CLN3: variants seen among roughly 807,000 people sequenced by gnomAD.
CLN3 encodes CLN3 lysosomal/endosomal transmembrane protein, battenin.
CLN3 carries 49 observed loss-of-function variants against 60.7 expected under a neutral mutation model. The observed-to-expected ratio is 0.81, with a 90% confidence interval of 0.64 to 1.02. The LOEUF (loss-of-function observed/expected upper bound fraction) is 1.02. CLN3 is among the 50% of genes least tolerant of loss of function. The pLI, the probability that CLN3 is intolerant of heterozygous loss-of-function variation, is 0.00. For synonymous variants in CLN3, 256 were observed against 245.8 expected (o/e 1.04, Z -0.39); for missense variants, 516 against 557.4 (o/e 0.93, Z 0.75).
intron 2 of CLN3, 64 bp from the exon 3 acceptor site, chr16:28,491,624 G>A: frequency 2.5e-6 from 4 of 1,613,586 alleles, no homozygotes; most frequent in Non-Finnish European, 3.4e-6. Flanking sequence ...CTCCTTGCGT[G>A]TCCTCCCGGG....
At chr16:28,481,428 ACACACACACACACACACACACACACG>A (rs933567219) in intron 14 of CLN3, among the ~76,000 whole-genome samples, 13 of 130,124 alleles carry the variant, frequency 1.0e-4, no homozygotes, top group African/African-American at 3.7e-4. Flanking sequence ...ACACACACAC[ACACACACACACACACACACACACACG>A]CACACACACA....
intron 5 of CLN3, chr16:28,488,387 C>G (rs941032621): frequency 2.0e-6 from 1 of 505,640 alleles, no homozygotes; most frequent in Non-Finnish European, 3.5e-6. Context: ...ACTGCCCAGG[C>G]TGGTCTCAAA....
intron 14 of CLN3, 149 bp from the exon 15 acceptor site, chr16:28,478,026 G>A (rs914972535): frequency 1.4e-5 from 12 of 853,536 alleles, no homozygotes; most frequent in South Asian, 6.6e-5. Context: ...AGCCCGGTGT[G>A]GTGGCTCACA....
Position 28,482,681 on chromosome 16 carries a change from GA to G in CLN3, c.791-10del. The G allele has an allele frequency of 6.2e-7, 1 of 1,614,174 alleles. No individual in the cohort carries two copies. Among genetic ancestry groups the G allele is most frequent in the Non-Finnish European group, 8.5e-7 (1 of 1,180,022 alleles). On this transcript the variant is annotated splice_polypyrimidine_tract_variant and intron_variant, in intron 10 of 15. Transcript: ENST00000636147. The stretch of plus-strand genomic sequence containing the variant: ...GAGGCTGGAGCTGGAGCCTGCAGGG[GA>G]ACAGAGAGAGAAGGGCAGATGAAGT...
In CLN3 at chr16:28,487,466, G is replaced by T. The variant is rs1310831618; in HGVS notation, c.450C>A (p.Thr150=). 1 of 1,613,618 alleles carries T rather than the reference G, an allele frequency of 6.2e-7. No individual in the cohort carries two copies. The highest frequency in any genetic ancestry group is 8.5e-7 in the Non-Finnish European group (1 of 1,179,608). ...GAACCACACACTCACCACACAGGCT[G>T]GTCCCCACAGAATGAGAAAAGGCAA... ...VLVAFSHSVG[T]SLCGVVFASI... The change falls in exon 7 of 16, where the codon ACC becomes ACA. Residue 150 remains threonine, a synonymous_variant. Transcript: ENST00000636147.
At chr16:28,485,913 G>A (rs2046205997) in intron 9 of CLN3, among the ~76,000 whole-genome samples, 1 of 152,028 alleles carries the variant, frequency 6.6e-6, no homozygotes, top group Non-Finnish European at 1.5e-5. Context: ...CACACCTGGG[G>A]CTATCAGAGT....
intron 9 of CLN3, chr16:28,484,435 A>C (rs1596559242): frequency 4.0e-5 from 12 of 296,720 alleles, no homozygotes; most frequent in Non-Finnish European, 5.3e-5. Context: ...TGCAGCCGCG[A>C]CCTCCCAGGC....
the CLN3 span, among the ~76,000 whole-genome samples, chr16:28,468,731 C>T: frequency 7.9e-6 from 1 of 126,530 alleles, no homozygotes; most frequent in African/African-American, 2.6e-5. Flanking sequence ...CACTTGAACC[C>T]AGGAGGCAGA....
downstream of CLN3, among the ~76,000 whole-genome samples, chr16:28,470,789 G>C (rs543668760): frequency 6.2e-3 from 914 of 147,866 alleles, no homozygotes; most frequent in African/African-American, 0.019. Context: ...GGAAGGTTTA[G>C]CTACAGGTCA....
chr16:28,492,052 A>C lies in CLN3; in HGVS notation c.-109T>G, dbSNP rs2046325071. On this transcript the variant is annotated 5_prime_UTR_variant, in exon 1 of 16. Transcript: ENST00000636147. ...AGCAGCAGAATGTTCTGCACTATGC[A>C]GAGGCCGTTTGTCGGATCACGTGAC... The C allele has an allele frequency of 1.9e-6, 1 of 519,678 alleles. No homozygotes were observed. 32.2% of individuals were successfully genotyped at this position (519,678 alleles called of 1,614,324 possible).
chr16:28,481,476 T>A (rs988855920), intron 14 of CLN3, among the ~76,000 whole-genome samples: 137 of 120,638 alleles, frequency 1.1e-3, no homozygotes, highest in African/African-American at 3.7e-3. Context: ...ACACACACAC[T>A]ACAAAATCTT....
the CLN3 span, among the ~76,000 whole-genome samples, chr16:28,468,806 CAA>C: frequency 2.0e-4 from 5 of 24,394 alleles, no homozygotes; most frequent in African/African-American, 6.7e-4. Flanking sequence ...GACTCTGTCT[CAA>C]AAAAAAAAAA....
intron 9 of CLN3, among the ~76,000 whole-genome samples, chr16:28,485,571 C>CAAAA (rs67148714): frequency 8.5e-5 from 1 of 11,764 alleles, no homozygotes; most frequent in Non-Finnish European, 1.3e-4. Context: ...GACTCCGTCT[C>CAAAA]AAAAAAAAAA....
At chr16:28,484,290 A>C in intron 9 of CLN3, 172 bp from the exon 10 acceptor site, 1 of 641,790 alleles carries the variant, frequency 1.6e-6, no homozygotes, top group Non-Finnish European at 2.8e-6. Flanking sequence ...AATTGTGGAC[A>C]AAGGCTTCTT....
chr16:28,492,048 A>T lies in CLN3; in HGVS notation c.-105T>A, dbSNP rs73533476. 4.6e-3 allele frequency: 2,431 copies of T among 529,848 alleles called. 42 individuals are homozygous for T. Among genetic ancestry groups the T allele is most frequent in the African/African-American group, 0.042 (2,201 of 52,748 alleles). The allele number at this position is 529,848 out of a possible 1,614,324, so 32.8% of individuals were successfully genotyped here. On this transcript the variant is annotated 5_prime_UTR_variant, in exon 1 of 16. Coordinates refer to ENST00000636147, the MANE Select transcript of CLN3 (RefSeq NM_001042432.2). Reference sequence around the variant, plus strand: ...TAAGAGCAGCAGAATGTTCTGCACTATGCAGAGGCCGTTTGTCGGATCACG... The same window carrying T: ...TAAGAGCAGCAGAATGTTCTGCACTTTGCAGAGGCCGTTTGTCGGATCACG...
chr16:28,477,490 G>A lies in CLN3; in HGVS notation c.*26C>T. The stretch of plus-strand genomic sequence containing the variant: ...TGTCCCTCTGCCCACAGGTGAATGT[G>A]ACCTGCGTCCTGAGGATCCCGAGTA... On this transcript the variant is annotated 3_prime_UTR_variant, in exon 16 of 16. Coordinates refer to ENST00000636147, the MANE Select transcript of CLN3 (RefSeq NM_001042432.2). 1 of 1,612,146 alleles carries A rather than the reference G, an allele frequency of 6.2e-7. No homozygotes were observed. The highest frequency in any genetic ancestry group is 1.3e-5 in the African/African-American group (1 of 75,008).
chr16:28,471,996 C>G (rs1487427240), downstream of CLN3, among the ~76,000 whole-genome samples: 2 of 152,070 alleles, frequency 1.3e-5, no homozygotes, highest in Admixed American at 6.6e-5. Flanking sequence ...TGCCACTGCA[C>G]TCCAGTCTGA....
intron 10 of CLN3, 132 bp from the exon 11 acceptor site, chr16:28,482,804 C>T (rs1385579176): frequency 1.6e-5 from 16 of 978,678 alleles, no homozygotes; most frequent in Non-Finnish European, 1.9e-5. Context: ...GGATTGGACA[C>T]TTAAAAATGG....
chr16:28,471,914 C>G (rs888683222), downstream of CLN3, among the ~76,000 whole-genome samples: 1 of 152,152 alleles, frequency 6.6e-6, no homozygotes, highest in Non-Finnish European at 1.5e-5. Context: ...CCTGTAGTCC[C>G]AGATACTTGG....
Sources: allele counts gnomAD v4.1 joint callset (sites outside exome capture counted in the v4.1 genomes callset), GRCh38; gene constraint gnomAD v4.1.1; transcripts MANE v1.5; gene names NCBI Gene and HGNC (gene_info 2026-07-23, HGNC 2026-07-21).